Variants in GPC5 observed in about 807,000 individuals in gnomAD.
GPC5 encodes the protein glypican 5.
In GPC5, 47 loss-of-function variants were observed where a neutral mutation model predicts 53.9. The observed-to-expected ratio is 0.87, with a 90% confidence interval of 0.69 to 1.11. GPC5 has a LOEUF of 1.11. Ranked by LOEUF, GPC5 falls within the 50% of genes most tolerant of loss-of-function variation. The pLI, the probability that GPC5 is intolerant of heterozygous loss-of-function variation, is 0.00. For missense variants in GPC5, 748 were observed against 713.1 expected (o/e 1.05, Z -0.56); for synonymous variants, 286 against 263.3 (o/e 1.09, Z -0.84).
At chr13:92,171,281 A>G (rs1265406684) in intron 7 of GPC5, among the ~76,000 whole-genome samples, 1 of 152,126 alleles carries the variant, frequency 6.6e-6, no homozygotes, top group African/African-American at 2.4e-5. Context: ...TTGCCTCTGT[A>G]TCTTCAAACT....
chr13:92,680,832 C>T (rs1421755632), intron 7 of GPC5, among the ~76,000 whole-genome samples: 2 of 152,130 alleles, frequency 1.3e-5, no homozygotes, highest in Admixed American at 6.5e-5. Flanking sequence ...CACAGAGTAA[C>T]AATTATTGCC....
chr13:91,754,955 C>A (rs2037257975), intron 4 of GPC5, among the ~76,000 whole-genome samples: 1 of 151,968 alleles, frequency 6.6e-6, no homozygotes, highest in African/African-American at 2.4e-5. Flanking sequence ...GTTTAAATAC[C>A]AAATACTTAT....
intron 6 of GPC5, among the ~76,000 whole-genome samples, chr13:92,090,969 T>C (rs1278960935): frequency 6.6e-6 from 1 of 152,200 alleles, no homozygotes; most frequent in African/African-American, 2.4e-5. Context: ...TTTTGTGCCA[T>C]GTGAAGATAT....
intron 7 of GPC5, among the ~76,000 whole-genome samples, chr13:92,469,375 G>A (rs1474218611): frequency 6.6e-6 from 1 of 151,982 alleles, no homozygotes; most frequent in Non-Finnish European, 1.5e-5. Flanking sequence ...CATTATTAGA[G>A]TGTTTTCTAA....
At chr13:92,480,658 A>G (rs991553073) in intron 7 of GPC5, among the ~76,000 whole-genome samples, 9 of 144,428 alleles carry the variant, frequency 6.2e-5, no homozygotes, top group East Asian at 1.9e-4. Flanking sequence ...TTCGCAGACT[A>G]AAAAACACTG....
At chr13:91,825,881 A>G (rs1170823884) in intron 5 of GPC5, among the ~76,000 whole-genome samples, 1 of 152,094 alleles carries the variant, frequency 6.6e-6, no homozygotes, top group East Asian at 1.9e-4. Context: ...CTGTTCCCAA[A>G]TCTTTGGCTT....
intron 5 of GPC5, among the ~76,000 whole-genome samples, chr13:91,763,755 G>T (rs1029516822): frequency 2.0e-5 from 3 of 151,920 alleles, no homozygotes; most frequent in Non-Finnish European, 4.4e-5. Flanking sequence ...TTATTTCATT[G>T]ATAGTCCCTA....
At chr13:92,430,909 T>G (rs987652766) in intron 7 of GPC5, among the ~76,000 whole-genome samples, 1 of 152,060 alleles carries the variant, frequency 6.6e-6, no homozygotes, top group African/African-American at 2.4e-5. Flanking sequence ...ATGCAAAAAT[T>G]AGCTCTACTA....
intron 7 of GPC5, among the ~76,000 whole-genome samples, chr13:92,522,091 T>C (rs1342178677): frequency 6.6e-6 from 1 of 152,178 alleles, no homozygotes; most frequent in Non-Finnish European, 1.5e-5. Flanking sequence ...CCAGTTAGAA[T>C]GGCGATCGTT....
chr13:91,521,140 C>A (rs1885794236), intron 2 of GPC5, among the ~76,000 whole-genome samples: 2 of 152,112 alleles, frequency 1.3e-5, no homozygotes, highest in South Asian at 4.1e-4. Flanking sequence ...TTCACATGTA[C>A]CATGCTGTTT....
At chr13:92,314,306 C>T (rs2043164471) in intron 7 of GPC5, among the ~76,000 whole-genome samples, 1 of 152,062 alleles carries the variant, frequency 6.6e-6, no homozygotes, top group Non-Finnish European at 1.5e-5. Context: ...CAAGTTATGT[C>T]CCCAACTTTG....
intron 7 of GPC5, among the ~76,000 whole-genome samples, chr13:92,212,194 C>T (rs537962996): frequency 1.3e-4 from 20 of 151,990 alleles, no homozygotes; most frequent in South Asian, 8.3e-4. Flanking sequence ...AGATCAAAGC[C>T]GGGGAGGGAA....
At chr13:92,804,552 T>C (rs143375582) in intron 7 of GPC5, among the ~76,000 whole-genome samples, 18 of 152,164 alleles carry the variant, frequency 1.2e-4, no homozygotes, top group African/African-American at 4.1e-4. Flanking sequence ...CTAACCATCA[T>C]CTGAGTCATT....
At chr13:92,783,869 T>C (rs139943496) in intron 7 of GPC5, among the ~76,000 whole-genome samples, 17 of 152,236 alleles carry the variant, frequency 1.1e-4, no homozygotes, top group South Asian at 4.1e-4. Flanking sequence ...GAATGTGTCA[T>C]ACAAAGAAAA....
At chr13:91,984,795 TTG>T (rs1227242473) in intron 6 of GPC5, among the ~76,000 whole-genome samples, 5 of 152,250 alleles carry the variant, frequency 3.3e-5, no homozygotes, top group Non-Finnish European at 5.9e-5. Context: ...TTTATTTATC[TTG>T]GCAGTACTGA....
rs541315963 is a variant in GPC5, at chr13:91,543,465, T to C, written c.325+94543T>C. On this transcript the variant is annotated intron_variant, in intron 2 of 7. Transcript: ENST00000377067. ...TTTATATGATTTATAATTGCTTTTG[T>C]TTTTTTCCCTTTTATTACCACTTGC... Among the ~76,000 whole-genome samples the C allele has an allele frequency of 2.0e-4, 30 of 151,604 alleles. 1 individual carries two copies. The highest frequency in any genetic ancestry group is 8.5e-4 in the Admixed American group (13 of 15,272).
chr13:91,528,709 A>G (rs1395351994), intron 2 of GPC5, among the ~76,000 whole-genome samples: 1 of 152,166 alleles, frequency 6.6e-6, no homozygotes, highest in African/African-American at 2.4e-5. Flanking sequence ...ACCCCCTGAG[A>G]GTCAGTAACT....
intron 2 of GPC5, among the ~76,000 whole-genome samples, chr13:91,591,607 T>A (rs7329020): frequency 0.85 from 129,911 of 152,156 alleles, 57,318 homozygotes; most frequent in Non-Finnish European, 0.96. Flanking sequence ...TATAATCCCA[T>A]GTGTCTTGGA....
At chr13:91,617,683 C>CATTT (rs1412390984) in intron 2 of GPC5, among the ~76,000 whole-genome samples, 1 of 151,784 alleles carries the variant, frequency 6.6e-6, no homozygotes, top group Non-Finnish European at 1.5e-5. Flanking sequence ...TTCCTCAATA[C>CATTT]ATTTACTTTA....
Sources: allele counts gnomAD v4.1 joint callset (sites outside exome capture counted in the v4.1 genomes callset), GRCh38; gene constraint gnomAD v4.1.1; transcripts MANE v1.5; gene names NCBI Gene and HGNC (gene_info 2026-07-23, HGNC 2026-07-21).